The following RTL4 variants were observed in gnomAD, a reference collection of about 807,000 sequenced individuals.
RTL4 encodes retrotransposon Gag like 4, also known as retrotransposon Gag-like protein 4.
A neutral mutation model predicts 5.3 loss-of-function variants in RTL4; 4 were observed. The ratio of observed to expected loss-of-function variants is 0.75; its 90% CI spans 0.37 to 1.72. The LOEUF is 1.72. Ranked by LOEUF, RTL4 falls within the 40% of genes most tolerant of loss-of-function variation. RTL4 has a pLI of 0.04. For synonymous variants in RTL4, 98 were observed against 87.3 expected, an observed-to-expected ratio of 1.12 and a Z score of -0.68; for missense variants, 260 against 227.1, an observed-to-expected ratio of 1.14 and a Z score of -0.93.
chrX:112,371,568 A>G, the RTL4 span, among the ~76,000 whole-genome samples: 1 of 111,869 alleles, frequency 8.9e-6, no homozygotes, highest in African/African-American at 3.2e-5. Flanking sequence ...GTAGGACAAG[A>G]TGTTCCCCAA....
chrX:112,312,242 A>G, the RTL4 span, among the ~76,000 whole-genome samples: 6 of 111,184 alleles, frequency 5.4e-5, no homozygotes, highest in Non-Finnish European at 1.1e-4. Flanking sequence ...GATCTCTTAT[A>G]TGTAAAATGA....
the RTL4 span, among the ~76,000 whole-genome samples, chrX:112,405,973 G>A: frequency 1.8e-5 from 2 of 110,604 alleles, no homozygotes; most frequent in East Asian, 2.9e-4. Flanking sequence ...TCCTGTTATC[G>A]CAGAATGAAA....
At chrX:112,174,291 C>A in the RTL4 span, among the ~76,000 whole-genome samples, 2 of 89,367 alleles carry the variant, frequency 2.2e-5, no homozygotes, top group South Asian at 1.3e-3. Flanking sequence ...TCCATGTGTT[C>A]TCATTGTTCA....
the RTL4 span, among the ~76,000 whole-genome samples, chrX:112,184,067 C>G: frequency 1.8e-5 from 2 of 110,129 alleles, no homozygotes; most frequent in East Asian, 5.7e-4. Context: ...ATGGATGAAG[C>G]TGGAAACCAT....
the RTL4 span, among the ~76,000 whole-genome samples, chrX:112,097,876 C>A: frequency 9.0e-6 from 1 of 111,147 alleles, no homozygotes; most frequent in African/African-American, 3.3e-5. Context: ...GACCAGGAAT[C>A]TTTTTTTCAA....
the RTL4 span, among the ~76,000 whole-genome samples, chrX:112,358,693 T>A: frequency 9.0e-6 from 1 of 111,537 alleles, no homozygotes; most frequent in Non-Finnish European, 1.9e-5. Flanking sequence ...TGCCACATCA[T>A]GGTAGCAAAA....
the RTL4 span, among the ~76,000 whole-genome samples, chrX:112,174,284 ATG>A: frequency 1.2e-5 from 1 of 83,606 alleles, no homozygotes; most frequent in East Asian, 4.1e-4. Flanking sequence ...TCCTGTGTCC[ATG>A]TGTTCTCATT....
At chrX:112,391,044 T>G in the RTL4 span, among the ~76,000 whole-genome samples, 1 of 112,388 alleles carries the variant, frequency 8.9e-6, no homozygotes, top group Non-Finnish European at 1.9e-5. Flanking sequence ...TTTGTCTGAC[T>G]GTATTATTTC....
At chrX:112,351,376 T>A in the RTL4 span, among the ~76,000 whole-genome samples, 1 of 109,545 alleles carries the variant, frequency 9.1e-6, no homozygotes, top group Non-Finnish European at 1.9e-5. Flanking sequence ...GTAGTTGTCT[T>A]TTAGGTCCAC....
the RTL4 span, among the ~76,000 whole-genome samples, chrX:112,091,085 T>C: frequency 9.0e-6 from 1 of 111,533 alleles, no homozygotes; most frequent in Admixed American, 9.5e-5. Flanking sequence ...ATTTCTTTAA[T>C]ATTGGCAGTA....
chrX:112,133,375 A>G, the RTL4 span, among the ~76,000 whole-genome samples: 1 of 112,172 alleles, frequency 8.9e-6, no homozygotes, highest in Non-Finnish European at 1.9e-5. Context: ...GACTACTGTC[A>G]GGGGGAAATG....
At chrX:112,166,417 T>A in the RTL4 span, among the ~76,000 whole-genome samples, 1 of 111,054 alleles carries the variant, frequency 9.0e-6, no homozygotes, top group Non-Finnish European at 1.9e-5. Context: ...AGGGAAGAGG[T>A]AAAGGATTAA....
chrX:112,329,663 G>T, the RTL4 span, among the ~76,000 whole-genome samples: 2 of 110,508 alleles, frequency 1.8e-5, no homozygotes, highest in Non-Finnish European at 3.8e-5. Context: ...ATTTTATGAG[G>T]CCAGCATCAT....
the RTL4 span, among the ~76,000 whole-genome samples, chrX:112,135,282 T>C: frequency 8.9e-6 from 1 of 111,945 alleles, no homozygotes; most frequent in African/African-American, 3.2e-5. Flanking sequence ...ATGGTTTGAG[T>C]CTGCATTTCC....
At chrX:112,122,533 A>AT in the RTL4 span, among the ~76,000 whole-genome samples, 1 of 110,690 alleles carries the variant, frequency 9.0e-6, no homozygotes, top group African/African-American at 3.3e-5. Context: ...AGCATAAACA[A>AT]TTTTTTACTA....
At chrX:112,215,137 G>T in the RTL4 span, among the ~76,000 whole-genome samples, 4 of 111,062 alleles carry the variant, frequency 3.6e-5, no homozygotes, top group African/African-American at 1.3e-4. Flanking sequence ...TATATTATTC[G>T]ATATATAACA....
chrX:112,216,589 T>A, the RTL4 span, among the ~76,000 whole-genome samples: 1 of 111,720 alleles, frequency 9.0e-6, no homozygotes, highest in East Asian at 2.8e-4. Context: ...AAATTCTGGG[T>A]TACATTTGGG....
chrX:112,294,300 C>G, the RTL4 span, among the ~76,000 whole-genome samples: 1 of 111,234 alleles, frequency 9.0e-6, no homozygotes, highest in African/African-American at 3.3e-5. Flanking sequence ...TAGGATTACT[C>G]AAAATATCAA....
chrX:112,248,610 A>G, the RTL4 span, among the ~76,000 whole-genome samples: 1 of 112,105 alleles, frequency 8.9e-6, no homozygotes, highest in African/African-American at 3.2e-5. Flanking sequence ...GAGCCAGGCC[A>G]TTTGGAGAAT....
Sources: gnomAD v4.1 joint callset for allele counts (sites outside exome capture counted in the v4.1 genomes callset) on GRCh38, gnomAD v4.1.1 for gene constraint, MANE v1.5 for transcripts, NCBI Gene and HGNC (gene_info 2026-07-23, HGNC 2026-07-21) for gene names.